RAB28: variants seen among roughly 807,000 people sequenced by gnomAD.
The protein encoded by RAB28 is RAB28, member RAS oncogene family, also known as ras-related protein Rab-28.
Under a neutral mutation model 31.7 loss-of-function variants are expected in RAB28, and 24 were observed. The ratio of observed to expected loss-of-function variants is 0.76; its 90% CI spans 0.55 to 1.06. The LOEUF (loss-of-function observed/expected upper bound fraction) is 1.06. RAB28 is among the 50% of genes least tolerant of loss of function. The pLI is 0.00. For synonymous variants in RAB28, 100 were observed against 90.4 expected (o/e 1.11, Z -0.60); for missense variants, 254 against 258.5 (o/e 0.98, Z 0.12).
chr4:13,465,180 C>T (rs894354857), intron 3 of RAB28, among the ~76,000 whole-genome samples: 4 of 151,752 alleles, frequency 2.6e-5, no homozygotes, highest in Non-Finnish European at 4.4e-5. Context: ...GTACATCATA[C>T]GCACAGCTGA....
At chr4:13,463,744 T>G (rs1240782353) in intron 3 of RAB28, among the ~76,000 whole-genome samples, 1 of 152,146 alleles carries the variant, frequency 6.6e-6, no homozygotes, top group Non-Finnish European at 1.5e-5. Flanking sequence ...CAGTACCATT[T>G]ATAATGTAAA....
intron 3 of RAB28, among the ~76,000 whole-genome samples, chr4:13,461,034 T>G (rs921816319): frequency 6.6e-6 from 1 of 152,212 alleles, no homozygotes; most frequent in South Asian, 2.1e-4. Context: ...GCAACTAAGA[T>G]GCAATGCAAG....
intron 1 of RAB28, among the ~76,000 whole-genome samples, chr4:13,480,076 A>C (rs1241524232): frequency 6.6e-6 from 1 of 151,724 alleles, no homozygotes; most frequent in African/African-American, 2.4e-5. Context: ...AAAGACTGTG[A>C]CAATATGTAC....
intron 4 of RAB28, among the ~76,000 whole-genome samples, chr4:13,425,650 T>C (rs1054062657): frequency 1.3e-5 from 2 of 152,176 alleles, no homozygotes; most frequent in Non-Finnish European, 2.9e-5. Flanking sequence ...ATCTTGAAGA[T>C]ACTGTCATTA....
At chr4:13,439,122 T>C (rs1371998223) in intron 4 of RAB28, among the ~76,000 whole-genome samples, 1 of 152,222 alleles carries the variant, frequency 6.6e-6, no homozygotes, top group African/African-American at 2.4e-5. Flanking sequence ...TAAATTGAGT[T>C]ATTTGTCTTT....
chr4:13,466,899 A>G (rs1036586933), intron 3 of RAB28, among the ~76,000 whole-genome samples: 1 of 152,006 alleles, frequency 6.6e-6, no homozygotes, highest in Admixed American at 6.6e-5. Context: ...GAATTGGAAA[A>G]CATTAAGCTA....
chr4:13,368,080 G>C lies in RAB28; in HGVS notation c.*478C>G. 1 of 978,330 alleles carries C rather than the reference G, an allele frequency of 1.0e-6. No homozygotes were observed. Among genetic ancestry groups the C allele is most frequent in the Non-Finnish European group, 1.2e-6 (1 of 823,648 alleles). The allele number at this position is 978,330 out of a possible 1,614,324, so 60.6% of individuals were successfully genotyped here. On this transcript the variant is annotated 3_prime_UTR_variant, in exon 7 of 7. Transcript: ENST00000330852. Reference sequence around the variant, plus strand: ...GCTTTATATACTTTTACTCACGATAGCGAAAGAATGTCTTCATAAGTATCT... The same window carrying C: ...GCTTTATATACTTTTACTCACGATACCGAAAGAATGTCTTCATAAGTATCT...
chr4:13,435,017 C>CAAAAAAAAAAAA (rs991889676), intron 4 of RAB28, among the ~76,000 whole-genome samples: 2 of 47,010 alleles, frequency 4.3e-5, no homozygotes, highest in African/African-American at 7.2e-5. Flanking sequence ...GACTCCGTCT[C>CAAAAAAAAAAAA]AAAAAAAAAA....
At chr4:13,442,852 A>C (rs1358173255) in intron 4 of RAB28, among the ~76,000 whole-genome samples, 1 of 152,174 alleles carries the variant, frequency 6.6e-6, no homozygotes, top group Non-Finnish European at 1.5e-5. Flanking sequence ...AGGTAAAAAG[A>C]GGGTAGGGAC....
intron 4 of RAB28, among the ~76,000 whole-genome samples, chr4:13,432,305 C>T (rs1480749057): frequency 6.6e-6 from 1 of 151,994 alleles, no homozygotes; most frequent in East Asian, 1.9e-4. Flanking sequence ...GTGGCCAAAC[C>T]TAAGACAAAC....
intron 4 of RAB28, among the ~76,000 whole-genome samples, chr4:13,411,787 AC>A (rs1712454510): frequency 6.6e-6 from 1 of 151,976 alleles, no homozygotes; most frequent in South Asian, 2.1e-4. Context: ...TTAATTGATT[AC>A]AAAAACAAGG....
chr4:13,428,498 T>A (rs1043386663), intron 4 of RAB28, among the ~76,000 whole-genome samples: 1 of 151,988 alleles, frequency 6.6e-6, no homozygotes, highest in Non-Finnish European at 1.5e-5. Flanking sequence ...AGGATGAAAA[T>A]CACTGAACTA....
chr4:13,369,747 T>C (rs746929935), intron 6 of RAB28: 1 of 961,416 alleles, frequency 1.0e-6, no homozygotes, highest in Non-Finnish European at 1.4e-6. Context: ...AGACGTGATA[T>C]TAACTTCCAA....
chr4:13,374,870 A>G (rs577440929), intron 6 of RAB28, among the ~76,000 whole-genome samples: 2 of 152,306 alleles, frequency 1.3e-5, no homozygotes, highest in East Asian at 3.9e-4. Context: ...AAATGATTAT[A>G]GGTCTAATAA....
At chr4:13,385,727 A>C (rs1012762429) in intron 4 of RAB28, among the ~76,000 whole-genome samples, 1 of 152,170 alleles carries the variant, frequency 6.6e-6, no homozygotes, top group African/African-American at 2.4e-5. Flanking sequence ...ACAAAAACAC[A>C]CTTAAGTACA....
intron 4 of RAB28, among the ~76,000 whole-genome samples, chr4:13,385,202 A>G (rs908679732): frequency 6.6e-6 from 1 of 152,232 alleles, no homozygotes; most frequent in African/African-American, 2.4e-5. Flanking sequence ...AGGAGATTAC[A>G]TAAAGAGAAC....
chr4:13,443,205 C>T (rs1463714431), intron 4 of RAB28, among the ~76,000 whole-genome samples: 1 of 150,824 alleles, frequency 6.6e-6, no homozygotes, highest in Non-Finnish European at 1.5e-5. Flanking sequence ...GACGGAGTCT[C>T]CTTCTATCAC....
At chr4:13,439,837 G>A (rs1714321878) in intron 4 of RAB28, among the ~76,000 whole-genome samples, 1 of 152,084 alleles carries the variant, frequency 6.6e-6, no homozygotes, top group South Asian at 2.1e-4. Flanking sequence ...CCCAAAGAGT[G>A]AGCCTAGTAC....
chr4:13,461,915 C>A (rs904016410), intron 3 of RAB28, among the ~76,000 whole-genome samples: 90 of 152,288 alleles, frequency 5.9e-4, no homozygotes, highest in African/African-American at 2.0e-3. Flanking sequence ...TCATGAAAGG[C>A]TGGTATTATT....
Sources: gnomAD v4.1 joint callset for allele counts (sites outside exome capture counted in the v4.1 genomes callset) on GRCh38, gnomAD v4.1.1 for gene constraint, MANE v1.5 for transcripts, NCBI Gene and HGNC (gene_info 2026-07-23, HGNC 2026-07-21) for gene names.